Variants in GALNT16 observed in about 807,000 individuals in gnomAD.
GALNT16 encodes UDP-GalNAc:polypeptide N-acetylgalactosaminyltransferase-like protein 1.
A neutral mutation model predicts 76.1 loss-of-function variants in GALNT16; 40 were observed. That is an observed-to-expected ratio of 0.53 (90% CI 0.41 to 0.68). The LOEUF (loss-of-function observed/expected upper bound fraction) is 0.68. GALNT16 is among the 30% of genes least tolerant of loss of function. GALNT16 has a pLI of 0.00. For missense variants in GALNT16, 621 were observed against 731.9 expected, an observed-to-expected ratio of 0.85 and a Z score of 1.75; for synonymous variants, 276 against 285.2, an observed-to-expected ratio of 0.97 and a Z score of 0.32.
At chr14:69,337,964 G>A (rs1300726800) in intron 9 of GALNT16, among the ~76,000 whole-genome samples, 1 of 152,224 alleles carries the variant, frequency 6.6e-6, no homozygotes, top group Non-Finnish European at 1.5e-5. Context: ...AGCTGTCAAG[G>A]TGGGTCCTTA....
intron 9 of GALNT16, 123 bp from the exon 10 acceptor site, chr14:69,338,528 C>T (rs1203125490): frequency 2.2e-6 from 3 of 1,384,496 alleles, no homozygotes; most frequent in African/African-American, 2.9e-5. Flanking sequence ...TTGAGCAGGC[C>T]CAGGAGCCCC....
At position 69,325,422 on chromosome 14, in the gene GALNT16, T is replaced by C; in HGVS notation, c.502+18T>C. On this transcript the variant is annotated intron_variant, in intron 4 of 14. Coordinates refer to ENST00000448469, the MANE Select transcript of GALNT16 (RefSeq NM_001168368.2). ...CTCAGATCGTGAGTAGTCACCTTCCTTTTTGCAGCCCTCCATTCCGCCCTC... is the reference window on the plus strand; with the variant it reads ...CTCAGATCGTGAGTAGTCACCTTCCCTTTTGCAGCCCTCCATTCCGCCCTC... The C allele has an allele frequency of 6.9e-7, 1 of 1,442,202 alleles. No individual in the cohort carries two copies. Among genetic ancestry groups the C allele is most frequent in the Non-Finnish European group, 9.8e-7 (1 of 1,023,016 alleles). 89.3% of individuals were successfully genotyped at this position (1,442,202 alleles called of 1,614,324 possible).
chr14:69,347,610 C>T (rs1445241668), intron 13 of GALNT16, among the ~76,000 whole-genome samples: 1 of 152,210 alleles, frequency 6.6e-6, no homozygotes. Flanking sequence ...TCTCTCATCC[C>T]CCACAGTCTC....
rs1400372621 is a variant in GALNT16, at chr14:69,341,673, T to C, written c.1188-8T>C. 6.2e-7 allele frequency: 1 copy of C among 1,604,292 alleles called. No homozygotes were observed. The highest frequency in any genetic ancestry group is 1.7e-5 in the Admixed American group (1 of 59,706). On this transcript the variant is annotated splice_region_variant and splice_polypyrimidine_tract_variant and intron_variant, in intron 11 of 14. Transcript: ENST00000448469. Reference sequence around the variant, plus strand: ...AGGCCAAAGCCCAAGCCCTGCCTCCTCCTACAGTGTGGCTACGCGGATAGA... The same window carrying C: ...AGGCCAAAGCCCAAGCCCTGCCTCCCCCTACAGTGTGGCTACGCGGATAGA...
At chr14:69,337,839 C>T (rs1228405431) in intron 9 of GALNT16, among the ~76,000 whole-genome samples, 3 of 152,130 alleles carry the variant, frequency 2.0e-5, no homozygotes, top group Non-Finnish European at 2.9e-5. Context: ...GTGAGAGCCC[C>T]CAGGCCTGGT....
chr14:69,334,804 G>T (rs2045396797), intron 9 of GALNT16, among the ~76,000 whole-genome samples: 1 of 152,196 alleles, frequency 6.6e-6, no homozygotes. Context: ...CAGCAGTGCA[G>T]CCCCCAGGGG....
chr14:69,273,599 A>T (rs2044433694), intron 1 of GALNT16, among the ~76,000 whole-genome samples: 1 of 152,208 alleles, frequency 6.6e-6, no homozygotes, highest in Middle Eastern at 3.2e-3. Flanking sequence ...ATGCTTTAAG[A>T]CATCAGCCAC....
Position 69,272,737 on chromosome 14 carries a change from C to T in GALNT16, c.177+12270C>T, listed in dbSNP as rs541174917. Among the ~76,000 whole-genome samples the T allele has an allele frequency of 4.2e-4, 64 of 152,250 alleles. 1 individual carries two copies. Among genetic ancestry groups the T allele is most frequent in the African/African-American group, 1.4e-3 (59 of 41,532 alleles). On this transcript the variant is annotated intron_variant, in intron 1 of 14. Coordinates refer to ENST00000448469, the MANE Select transcript of GALNT16 (RefSeq NM_001168368.2). ...ATACAAGTCTACCATTTTTTATCTT[C>T]TATACTGTATTTTTACTCTACTTTT...
downstream of GALNT16, among the ~76,000 whole-genome samples, chr14:69,360,340 C>T (rs1030255623): frequency 7.1e-4 from 105 of 148,318 alleles, no homozygotes; most frequent in African/African-American, 2.5e-3. Flanking sequence ...GGCAACAGAG[C>T]GAGACCCTAT....
chr14:69,326,387 T>C (rs984722014), intron 5 of GALNT16, among the ~76,000 whole-genome samples: 1 of 152,200 alleles, frequency 6.6e-6, no homozygotes, highest in Non-Finnish European at 1.5e-5. Flanking sequence ...CCAATCCAGA[T>C]GTGTTTTGGA....
chr14:69,370,446 A>T, the GALNT16 span, among the ~76,000 whole-genome samples: 1 of 152,210 alleles, frequency 6.6e-6, no homozygotes, highest in Non-Finnish European at 1.5e-5. Context: ...AGGAGTAAGG[A>T]TCATGGATGC....
intron 1 of GALNT16, among the ~76,000 whole-genome samples, chr14:69,273,973 G>A (rs955293809): frequency 1.3e-5 from 2 of 152,172 alleles, no homozygotes; most frequent in Non-Finnish European, 2.9e-5. Flanking sequence ...TTCTGATGAT[G>A]GCTTTGTTCA....
chr14:69,298,116 T>A (rs1474830152), intron 1 of GALNT16, among the ~76,000 whole-genome samples: 2 of 152,202 alleles, frequency 1.3e-5, no homozygotes, highest in Non-Finnish European at 2.9e-5. Flanking sequence ...ACTAGAGACA[T>A]TCAGGACTGG....
intron 11 of GALNT16, among the ~76,000 whole-genome samples, chr14:69,341,300 T>G (rs771226591): frequency 6.6e-6 from 1 of 152,226 alleles, no homozygotes; most frequent in Admixed American, 6.5e-5. Flanking sequence ...GTTTAAAGCT[T>G]GCTCTTCCTG....
At chr14:69,383,439 C>T in the GALNT16 span, among the ~76,000 whole-genome samples, 3 of 152,334 alleles carry the variant, frequency 2.0e-5, no homozygotes, top group Non-Finnish European at 2.9e-5. Flanking sequence ...TGAGGAGTAA[C>T]GGCCCAAATC....
intron 1 of GALNT16, among the ~76,000 whole-genome samples, chr14:69,318,218 A>T (rs1390428883): frequency 1.3e-5 from 2 of 152,272 alleles, no homozygotes; most frequent in Admixed American, 1.3e-4. Context: ...CCACCCAGAG[A>T]GTATGGCTTG....
intron 2 of GALNT16, among the ~76,000 whole-genome samples, chr14:69,322,209 A>C (rs569140054): frequency 6.6e-6 from 1 of 152,330 alleles, no homozygotes; most frequent in South Asian, 2.1e-4. Context: ...CGCGGCAAGG[A>C]CACCACCAGG....
intron 1 of GALNT16, among the ~76,000 whole-genome samples, chr14:69,292,711 T>G (rs2044702486): frequency 6.6e-6 from 1 of 152,212 alleles, no homozygotes; most frequent in South Asian, 2.1e-4. Context: ...CAGATCTACT[T>G]AAAGCACCTC....
chr14:69,351,744 C>A, intron 14 of GALNT16: 1 of 279,252 alleles, frequency 3.6e-6, no homozygotes, highest in Non-Finnish European at 6.8e-6. Flanking sequence ...AAGACCCAGT[C>A]TCTGCAAAAA....
Sources: gnomAD v4.1 joint callset for allele counts (sites outside exome capture counted in the v4.1 genomes callset) on GRCh38, gnomAD v4.1.1 for gene constraint, MANE v1.5 for transcripts, NCBI Gene and HGNC (gene_info 2026-07-23, HGNC 2026-07-21) for gene names.